TACR1: variants seen among roughly 807,000 people sequenced by gnomAD.
The protein encoded by TACR1 is substance-P receptor.
TACR1 carries 25 observed loss-of-function variants against 35.8 expected under a neutral mutation model. That is an observed-to-expected ratio of 0.70 (90% CI 0.51 to 0.98). TACR1 has a LOEUF of 0.98. Ranked by LOEUF, TACR1 falls within the 50% of genes least tolerant of loss-of-function variation. The pLI is 0.00. For missense variants in TACR1, 478 were observed against 522.9 expected, an observed-to-expected ratio of 0.91 and a Z score of 0.84; for synonymous variants, 195 against 206.7, an observed-to-expected ratio of 0.94 and a Z score of 0.48.
intron 2 of TACR1, among the ~76,000 whole-genome samples, chr2:75,066,176 A>C (rs1370190593): frequency 2.0e-5 from 3 of 152,236 alleles, no homozygotes; most frequent in Non-Finnish European, 1.5e-5. Context: ...TGGAGAGTGG[A>C]TTCCACTTCA....
chr2:75,133,244 C>T (rs1203163579), intron 1 of TACR1, among the ~76,000 whole-genome samples: 27 of 152,120 alleles, frequency 1.8e-4, no homozygotes, highest in Admixed American at 1.0e-3. Context: ...ATTTTTTGTG[C>T]GTGGTATCTT....
chr2:75,048,493 G>A lies in TACR1; in HGVS notation c.*939C>T, dbSNP rs1353288191. 6.6e-6 allele frequency: 1 copy of A among 152,184 alleles called. No homozygotes were observed. The highest frequency in any genetic ancestry group is 1.9e-4 in the East Asian group (1 of 5,200). The allele number at this position is 152,184 out of a possible 1,614,324, so 9.4% of individuals were successfully genotyped here. ...TGTCTGAGATGGATAGTTACAGATGGCCTTAGCAGTTGCTACATCTCCAGG... is the reference window on the plus strand; with the variant it reads ...TGTCTGAGATGGATAGTTACAGATGACCTTAGCAGTTGCTACATCTCCAGG... On this transcript the variant is annotated 3_prime_UTR_variant, in exon 5 of 5. Transcript: ENST00000305249.
At chr2:75,089,894 C>G (rs2103850872) in intron 2 of TACR1, among the ~76,000 whole-genome samples, 1 of 152,258 alleles carries the variant, frequency 6.6e-6, no homozygotes, top group Admixed American at 6.5e-5. Context: ...CTCAAACAAA[C>G]AAATTTCTGG....
At chr2:75,161,509 T>C (rs1675009312) in intron 1 of TACR1, among the ~76,000 whole-genome samples, 1 of 152,086 alleles carries the variant, frequency 6.6e-6, no homozygotes, top group Non-Finnish European at 1.5e-5. Flanking sequence ...TTGGCATTGA[T>C]AGGAAGAAAA....
chr2:75,115,570 G>A (rs918930288), intron 2 of TACR1, among the ~76,000 whole-genome samples: 6 of 152,088 alleles, frequency 3.9e-5, no homozygotes, highest in African/African-American at 1.4e-4. Flanking sequence ...TAAATGATTG[G>A]TTAAATAATA....
chr2:75,137,490 C>T (rs1350426286), intron 1 of TACR1, among the ~76,000 whole-genome samples: 1 of 151,802 alleles, frequency 6.6e-6, no homozygotes, highest in Non-Finnish European at 1.5e-5. Flanking sequence ...CTTTGGGAGG[C>T]CAAGGTGGGC....
intron 1 of TACR1, among the ~76,000 whole-genome samples, chr2:75,195,234 A>C (rs1675938761): frequency 6.6e-6 from 1 of 152,216 alleles, no homozygotes; most frequent in Non-Finnish European, 1.5e-5. Context: ...ACCTGATCTT[A>C]TTTAGCTACA....
intron 1 of TACR1, among the ~76,000 whole-genome samples, chr2:75,184,135 A>G (rs1039561116): frequency 2.0e-5 from 3 of 152,230 alleles, no homozygotes; most frequent in Non-Finnish European, 4.4e-5. Context: ...AGTGTGCTAA[A>G]AGGACAAAGC....
chr2:75,091,542 A>G (rs184180837), intron 2 of TACR1, among the ~76,000 whole-genome samples: 1 of 152,334 alleles, frequency 6.6e-6, no homozygotes, highest in Admixed American at 6.5e-5. Context: ...ACTAACGTTC[A>G]TAACTGTTAT....
intron 1 of TACR1, among the ~76,000 whole-genome samples, chr2:75,142,370 G>C (rs1487212668): frequency 6.6e-6 from 1 of 152,180 alleles, no homozygotes; most frequent in African/African-American, 2.4e-5. Context: ...GAAGGCAGAA[G>C]GTTCGCAGTA....
intron 2 of TACR1, among the ~76,000 whole-genome samples, chr2:75,094,457 A>G (rs1302542498): frequency 2.0e-5 from 3 of 152,150 alleles, no homozygotes; most frequent in Admixed American, 6.5e-5. Context: ...GTCTCCCTGC[A>G]TGGTAGCTGG....
Position 75,126,779 on chromosome 2 carries a change from C to T in TACR1, c.390-6011G>A, listed in dbSNP as rs1572945232. ...TCTAATATCCAGCATCTGTAAGGGA[C>T]TTAAACTAATTTACAAGAGAAAAAC... On this transcript the variant is annotated intron_variant, in intron 1 of 4. Transcript: ENST00000305249. Among the ~76,000 whole-genome samples the T allele has an allele frequency of 2.0e-5, 3 of 152,248 alleles. No homozygotes were observed. The East Asian group carries it at 5.8e-4, about 29-fold the overall frequency.
intron 1 of TACR1, among the ~76,000 whole-genome samples, chr2:75,153,132 A>C (rs1674711464): frequency 1.3e-5 from 2 of 152,228 alleles, no homozygotes; most frequent in South Asian, 2.1e-4. Flanking sequence ...TGAACTCCTG[A>C]CTTTGTGATC....
Position 75,129,691 on chromosome 2 carries a change from C to G in TACR1, c.390-8923G>C, listed in dbSNP as rs775996969. On this transcript the variant is annotated intron_variant, in intron 1 of 4. Coordinates refer to ENST00000305249, the MANE Select transcript of TACR1 (RefSeq NM_001058.4). ...TGATGCATTTTTTGGAGGGCTGGAT[C>G]ATCCATTCCATTGGGCCTGGCAGGC... is the stretch of plus-strand genomic sequence containing the variant. Among the ~76,000 whole-genome samples, 5 of 152,198 alleles carry G rather than the reference C, an allele frequency of 3.3e-5. No homozygotes were observed. In the East Asian group the frequency reaches 9.6e-4, roughly 29 times the overall value.
At chr2:75,114,793 A>ATAG (rs1320608591) in intron 2 of TACR1, among the ~76,000 whole-genome samples, 2 of 152,222 alleles carry the variant, frequency 1.3e-5, no homozygotes, top group Admixed American at 1.3e-4. Context: ...AGCCACGCTA[A>ATAG]GCTGCTGGGT....
In TACR1 at chr2:75,049,465, C is replaced by T. The variant is rs766552956; in HGVS notation, c.1191G>A (p.Glu397=). ...SSRSDSKTMT[E]SFSFSSNVLS ...GCACATTGGAGGAGAAGCTGAAGCT[C>T]TCTGTCATGGTCTTGGAGTCACTTC... Residue 397 remains glutamate (E), a synonymous_variant, in exon 5 of 5, where the codon GAG becomes GAA. Coordinates refer to ENST00000305249, the MANE Select transcript of TACR1 (RefSeq NM_001058.4). The T allele has an allele frequency of 4.3e-6, 7 of 1,614,026 alleles. No homozygotes were observed. The Admixed American group carries it at 1.2e-4, about 27-fold the overall frequency.
At chr2:75,132,654 G>A (rs993945350) in intron 1 of TACR1, among the ~76,000 whole-genome samples, 2 of 152,106 alleles carry the variant, frequency 1.3e-5, no homozygotes, top group African/African-American at 2.4e-5. Flanking sequence ...TATGCTCACT[G>A]CATACTGCTT....
chr2:75,197,709 G>C (rs1400860988), intron 1 of TACR1, among the ~76,000 whole-genome samples: 1 of 152,080 alleles, frequency 6.6e-6, no homozygotes, highest in African/African-American at 2.4e-5. Context: ...TAACCTGTTG[G>C]TTGCCGGAAC....
At chr2:75,183,836 A>C (rs951008108) in intron 1 of TACR1, among the ~76,000 whole-genome samples, 2 of 152,186 alleles carry the variant, frequency 1.3e-5, no homozygotes, top group Admixed American at 1.3e-4. Context: ...TATTACTTTT[A>C]TTCTTTTGCT....
Sources: allele counts gnomAD v4.1 joint callset (sites outside exome capture counted in the v4.1 genomes callset), GRCh38; gene constraint gnomAD v4.1.1; transcripts MANE v1.5; gene names NCBI Gene and HGNC (gene_info 2026-07-23, HGNC 2026-07-21).